Variants in MUSK observed in about 807,000 individuals in gnomAD.
MUSK encodes muscle associated receptor tyrosine kinase.
MUSK carries 55 observed loss-of-function variants against 88.7 expected under a neutral mutation model. The ratio of observed to expected loss-of-function variants is 0.62; its 90% CI spans 0.50 to 0.78. The LOEUF (loss-of-function observed/expected upper bound fraction) is 0.78, where lower values mean the gene tolerates loss of function less well. Ranked by LOEUF, MUSK falls within the 30% of genes least tolerant of loss-of-function variation. The pLI, the probability that MUSK is intolerant of heterozygous loss-of-function variation, is 0.00. For synonymous variants in MUSK, 387 were observed against 391.9 expected, an observed-to-expected ratio of 0.99 and a Z score of 0.15; for missense variants, 1,015 against 1,074.3, an observed-to-expected ratio of 0.94 and a Z score of 0.77.
intron 11 of MUSK, among the ~76,000 whole-genome samples, chr9:110,779,105 T>C (rs559743485): frequency 6.6e-6 from 1 of 152,064 alleles, no homozygotes; most frequent in Admixed American, 6.6e-5. Context: ...TCATGAATTA[T>C]TTCATAATTT....
intron 13 of MUSK, among the ~76,000 whole-genome samples, chr9:110,786,305 T>G (rs1464903723): frequency 7.2e-6 from 1 of 138,870 alleles, no homozygotes; most frequent in African/African-American, 2.7e-5. Context: ...AGCAAGACTC[T>G]GTCTCAAAAA....
At position 110,767,716 on chromosome 9, in the gene MUSK, C is replaced by T; in HGVS notation, c.921-104C>T. 3 of 1,293,666 alleles carry T rather than the reference C, an allele frequency of 2.3e-6. No homozygotes were observed. The South Asian group carries it at 3.7e-5, about 16-fold the overall frequency. The allele number at this position is 1,293,666 out of a possible 1,614,324, so 80.1% of individuals were successfully genotyped here. ...AACCAATTTACTAGTACAATTTTCTCCTATTTCTGAGACACAGATGTGAAA... is the reference window on the plus strand; with the variant it reads ...AACCAATTTACTAGTACAATTTTCTTCTATTTCTGAGACACAGATGTGAAA... On this transcript the variant is annotated intron_variant, in intron 8 of 14. Transcript: ENST00000374448.
At chr9:110,730,015 T>G (rs1038735641) in intron 5 of MUSK, among the ~76,000 whole-genome samples, 4 of 152,046 alleles carry the variant, frequency 2.6e-5, no homozygotes, top group African/African-American at 9.7e-5. Flanking sequence ...TGAAAGTGCT[T>G]TGAAATAAGG....
At chr9:110,719,423 C>T (rs114437894) in intron 5 of MUSK, among the ~76,000 whole-genome samples, 6 of 151,898 alleles carry the variant, frequency 4.0e-5, no homozygotes, top group East Asian at 1.9e-4. Context: ...ACACCAAAAG[C>T]GAGCAGGAGT....
At chr9:110,691,510 T>G (rs963582011) in intron 3 of MUSK, among the ~76,000 whole-genome samples, 1 of 152,156 alleles carries the variant, frequency 6.6e-6, no homozygotes, top group African/African-American at 2.4e-5. Flanking sequence ...GGCTTTTATT[T>G]CCTTCCATAC....
At chr9:110,758,729 G>T (rs2077360006) in intron 7 of MUSK, among the ~76,000 whole-genome samples, 1 of 152,060 alleles carries the variant, frequency 6.6e-6, no homozygotes, top group Non-Finnish European at 1.5e-5. Flanking sequence ...AAGTTTCAGG[G>T]TACAAAATTA....
intron 3 of MUSK, among the ~76,000 whole-genome samples, chr9:110,689,385 A>T (rs1296083372): frequency 8.5e-6 from 1 of 117,550 alleles, no homozygotes; most frequent in Non-Finnish European, 1.6e-5. Flanking sequence ...TATGTAAAAA[A>T]TATAAAAATA....
chr9:110,766,295 G>GGTGTC (rs1291479790), intron 8 of MUSK, among the ~76,000 whole-genome samples: 1 of 152,190 alleles, frequency 6.6e-6, no homozygotes, highest in African/African-American at 2.4e-5. Context: ...TTCACCTTGG[G>GGTGTC]GTGTCGTTTA....
rs1163771408 is a variant in MUSK, at chr9:110,689,706, T to TATATATATTATATATAA, written c.358+2441_358+2442insTATATTATATATAAATA. The stretch of plus-strand genomic sequence containing the variant: ...AACTATATATAGTTATATATAAATA[T>TATATATATTATATATAA]ATAACTATATATGTTATATATAGTT... On this transcript the variant is annotated intron_variant, in intron 3 of 14. Coordinates refer to ENST00000374448, the MANE Select transcript of MUSK (RefSeq NM_005592.4). Among the ~76,000 whole-genome samples, 17 of 45,478 alleles carry TATATATATTATATATAA rather than the reference T, an allele frequency of 3.7e-4. 1 individual carries two copies. Among genetic ancestry groups the TATATATATTATATATAA allele is most frequent in the African/African-American group, 2.1e-3 (16 of 7,660 alleles). 29.8% of individuals were successfully genotyped at this position (45,478 alleles called of 152,430 possible).
At chr9:110,774,677 C>G (rs2077637851) in intron 9 of MUSK, among the ~76,000 whole-genome samples, 1 of 152,142 alleles carries the variant, frequency 6.6e-6, no homozygotes, top group Non-Finnish European at 1.5e-5. Context: ...CATTATACTC[C>G]CTTCTCCCTT....
chr9:110,694,215 C>CAAAAAAA (rs1217917603), intron 3 of MUSK, among the ~76,000 whole-genome samples: 14 of 72,094 alleles, frequency 1.9e-4, no homozygotes, highest in African/African-American at 5.9e-4. Context: ...ACTAAAAATA[C>CAAAAAAA]AAAAAAAAAA....
chr9:110,791,161 G>A (rs926745636), intron 14 of MUSK, among the ~76,000 whole-genome samples: 2 of 151,672 alleles, frequency 1.3e-5, no homozygotes, highest in African/African-American at 2.4e-5. Context: ...CGTGAGCGAC[G>A]CAGAAGACGG....
chr9:110,743,819 T>C (rs141944726), intron 6 of MUSK, among the ~76,000 whole-genome samples: 83 of 152,308 alleles, frequency 5.4e-4, no homozygotes, highest in Middle Eastern at 3.4e-3. Context: ...AGCAGCCAGT[T>C]TGAAAGAGGC....
intron 5 of MUSK, among the ~76,000 whole-genome samples, chr9:110,715,455 A>G (rs2076732328): frequency 6.7e-6 from 1 of 148,940 alleles, no homozygotes; most frequent in Non-Finnish European, 1.5e-5. Context: ...GGTATTGTAC[A>G]TGAGTGTAAG....
intron 1 of MUSK, among the ~76,000 whole-genome samples, chr9:110,675,094 G>T (rs1336024618): frequency 6.6e-6 from 1 of 151,924 alleles, no homozygotes; most frequent in African/African-American, 2.4e-5. Context: ...CAAGTTATGT[G>T]GAGGCTATAC....
intron 11 of MUSK, among the ~76,000 whole-genome samples, chr9:110,780,797 T>C (rs963981161): frequency 6.6e-6 from 1 of 152,212 alleles, no homozygotes; most frequent in African/African-American, 2.4e-5. Context: ...ATCCGTGATA[T>C]CTGTATGATA....
chr9:110,755,803 G>A (rs904858014), intron 7 of MUSK, among the ~76,000 whole-genome samples: 2 of 151,264 alleles, frequency 1.3e-5, no homozygotes, highest in African/African-American at 4.9e-5. Flanking sequence ...AAGGAAGGCG[G>A]CAAATGTGTT....
chr9:110,689,933 TA>T (rs1240463463), intron 3 of MUSK, among the ~76,000 whole-genome samples: 97 of 95,402 alleles, frequency 1.0e-3, no homozygotes, highest in African/African-American at 3.8e-3. Context: ...AAATATAATA[TA>T]TAAATATATA....
In MUSK at chr9:110,784,948, A is replaced by G; in HGVS notation, c.1518A>G (p.Ile506Met). The change falls in exon 12 of 15, where the codon ATA becomes ATG. Residue 506 changes from isoleucine to methionine, a missense_variant. By Grantham distance (10) the Ile-to-Met change is conservative (BLOSUM62 1). Transcript: ENST00000374448. The stretch of plus-strand genomic sequence containing the variant: ...TCTCCATCATGTCCAGCTTTGCAAT[A>G]TTTGTGCTTCTTACCATAACTACTC... ...VIISIMSSFA[I>M]FVLLTITTLY... 1 of 1,613,816 alleles carries G rather than the reference A, an allele frequency of 6.2e-7. No individual in the cohort carries two copies. Among genetic ancestry groups the G allele is most frequent in the Non-Finnish European group, 8.5e-7 (1 of 1,179,812 alleles).
Sources: allele counts gnomAD v4.1 joint callset (sites outside exome capture counted in the v4.1 genomes callset), GRCh38; gene constraint gnomAD v4.1.1; transcripts MANE v1.5; gene names NCBI Gene and HGNC (gene_info 2026-07-23, HGNC 2026-07-21).